The following NR6A1 variants were observed in gnomAD, a reference collection of about 807,000 sequenced individuals.
NR6A1 encodes the protein retinoic acid receptor-related testis-associated receptor.
In NR6A1, 7 loss-of-function variants were observed where a neutral mutation model predicts 59.1. The observed-to-expected ratio is 0.12, with a 90% CI of 0.07 to 0.22. NR6A1 has a LOEUF of 0.22. NR6A1 is among the 10% of genes least tolerant of loss of function. NR6A1 has a pLI of 1.00. For synonymous variants in NR6A1, 243 were observed against 236.1 expected (o/e 1.03, Z -0.27); for missense variants, 468 against 611.6 (o/e 0.77, Z 2.48).
chr9:124,630,881 T>A (rs1836422013), intron 2 of NR6A1, among the ~76,000 whole-genome samples: 1 of 151,148 alleles, frequency 6.6e-6, no homozygotes, highest in Non-Finnish European at 1.5e-5. Context: ...TTTTTCCACG[T>A]TGGTCAGGCT....
At chr9:124,556,091 A>G (rs749101855) in intron 2 of NR6A1, among the ~76,000 whole-genome samples, 17 of 152,216 alleles carry the variant, frequency 1.1e-4, no homozygotes, top group Non-Finnish European at 1.9e-4. Flanking sequence ...CGACCCATAG[A>G]TATCAGGTCC....
chr9:124,613,647 G>A (rs1032595264), intron 2 of NR6A1, among the ~76,000 whole-genome samples: 1 of 152,072 alleles, frequency 6.6e-6, no homozygotes, highest in Admixed American at 6.6e-5. Flanking sequence ...GGGTGACAGG[G>A]CAAGACTCTA....
intron 5 of NR6A1, among the ~76,000 whole-genome samples, chr9:124,539,064 T>G (rs1243249563): frequency 6.6e-6 from 1 of 152,056 alleles, no homozygotes; most frequent in African/African-American, 2.4e-5. Flanking sequence ...AAAAAGTATT[T>G]AATTAACAAC....
At chr9:124,644,217 T>C (rs991562953) in intron 2 of NR6A1, among the ~76,000 whole-genome samples, 4 of 150,434 alleles carry the variant, frequency 2.7e-5, no homozygotes, top group African/African-American at 9.8e-5. Context: ...TTCCATCCTT[T>C]CACCAGACAA....
At position 124,577,862 on chromosome 9, in the gene NR6A1, T is replaced by C. The variant is rs527512978; in HGVS notation, c.143-23292A>G. Among the ~76,000 whole-genome samples, 91 of 152,354 alleles carry C rather than the reference T, an allele frequency of 6.0e-4. 1 individual carries two copies. In the South Asian group the frequency reaches 0.018, roughly 31 times the overall value. On this transcript the variant is annotated intron_variant, in intron 2 of 9. Transcript: ENST00000487099. Reference sequence around the variant, plus strand: ...TGAAGATAGATGGGCTCTCAGAATTTCTATATAGCTTCACACTGAAATCCT... The same window carrying C: ...TGAAGATAGATGGGCTCTCAGAATTCCTATATAGCTTCACACTGAAATCCT...
At chr9:124,587,721 T>C (rs1049323170) in intron 2 of NR6A1, among the ~76,000 whole-genome samples, 3 of 152,230 alleles carry the variant, frequency 2.0e-5, no homozygotes, top group Admixed American at 2.0e-4. Context: ...TCAGAGAAAG[T>C]GCTGGAGTCT....
chr9:124,734,699 TAAAAC>T (rs776270807), intron 1 of NR6A1, among the ~76,000 whole-genome samples: 1 of 150,754 alleles, frequency 6.6e-6, no homozygotes, highest in Non-Finnish European at 1.5e-5. Context: ...TCTCAAAAAA[TAAAAC>T]AAAAAAAAGA....
intron 2 of NR6A1, among the ~76,000 whole-genome samples, chr9:124,682,462 A>G (rs969292882): frequency 1.3e-5 from 2 of 152,186 alleles, no homozygotes; most frequent in African/African-American, 4.8e-5. Context: ...ATTGTAACAG[A>G]CATATGCAGA....
At chr9:124,657,723 G>A (rs903023501) in intron 2 of NR6A1, among the ~76,000 whole-genome samples, 4 of 151,910 alleles carry the variant, frequency 2.6e-5, no homozygotes, top group African/African-American at 9.7e-5. Context: ...GCTCAGTAGG[G>A]TCCATGCTTT....
chr9:124,741,825 C>T (rs905524306), intron 1 of NR6A1, among the ~76,000 whole-genome samples: 2 of 152,108 alleles, frequency 1.3e-5, no homozygotes, highest in South Asian at 4.2e-4. Context: ...ACCCTCTGGG[C>T]CAATTTCCTC....
chr9:124,725,214 A>G (rs1196518656), intron 2 of NR6A1, among the ~76,000 whole-genome samples: 1 of 152,090 alleles, frequency 6.6e-6, no homozygotes, highest in Non-Finnish European at 1.5e-5. Context: ...CCTTGTCCCT[A>G]GCTTATGCTA....
At chr9:124,562,503 A>G (rs969585285) in intron 2 of NR6A1, among the ~76,000 whole-genome samples, 6 of 151,400 alleles carry the variant, frequency 4.0e-5, no homozygotes, top group Non-Finnish European at 8.8e-5. Context: ...CAGTCATACC[A>G]CTCTGCAGCC....
chr9:124,533,926 G>A (rs1476532934), intron 7 of NR6A1, among the ~76,000 whole-genome samples: 2 of 151,524 alleles, frequency 1.3e-5, no homozygotes, highest in Non-Finnish European at 2.9e-5. Flanking sequence ...TGGGATTACA[G>A]GGGTGAGCCA....
At chr9:124,726,102 G>C (rs1354954049) in intron 2 of NR6A1, among the ~76,000 whole-genome samples, 3 of 152,192 alleles carry the variant, frequency 2.0e-5, no homozygotes, top group Non-Finnish European at 4.4e-5. Context: ...TATCATACTT[G>C]AGGAAATCAG....
chr9:124,710,551 T>C (rs1190791766), intron 2 of NR6A1, among the ~76,000 whole-genome samples: 1 of 152,204 alleles, frequency 6.6e-6, no homozygotes, highest in African/African-American at 2.4e-5. Flanking sequence ...CCCAACCTCT[T>C]AGCCCCATGA....
intron 2 of NR6A1, among the ~76,000 whole-genome samples, chr9:124,672,277 C>T (rs1458807007): frequency 6.6e-6 from 1 of 152,066 alleles, no homozygotes; most frequent in Non-Finnish European, 1.5e-5. Flanking sequence ...TTGTACATAT[C>T]TTTCAGTGCA....
chr9:124,770,682 G>T (rs1841116890), intron 1 of NR6A1, among the ~76,000 whole-genome samples: 4 of 132,154 alleles, frequency 3.0e-5, no homozygotes, highest in Admixed American at 7.3e-5. Context: ...GACCCGGGGG[G>T]AGGAGGGAGG....
intron 1 of NR6A1, among the ~76,000 whole-genome samples, chr9:124,748,546 G>C (rs190355582): frequency 3.3e-5 from 5 of 152,088 alleles, no homozygotes; most frequent in African/African-American, 1.2e-4. Context: ...GCATTTCCCC[G>C]ATCTAAAAAT....
At chr9:124,625,315 C>T (rs1249529262) in intron 2 of NR6A1, among the ~76,000 whole-genome samples, 2 of 152,254 alleles carry the variant, frequency 1.3e-5, no homozygotes, top group Admixed American at 1.3e-4. Context: ...TGTGAAAATA[C>T]TTTAGAAAGA....
Sources: allele counts gnomAD v4.1 joint callset (sites outside exome capture counted in the v4.1 genomes callset), GRCh38; gene constraint gnomAD v4.1.1; transcripts MANE v1.5; gene names NCBI Gene and HGNC (gene_info 2026-07-23, HGNC 2026-07-21).